The following HSPA4L variants were observed in gnomAD, a reference collection of about 807,000 sequenced individuals.
HSPA4L encodes the protein heat shock protein family A (Hsp70) member 4 like, also known as heat shock 70 kDa protein 4L.
Under a neutral mutation model 100.3 loss-of-function variants are expected in HSPA4L, and 48 were observed. The ratio of observed to expected loss-of-function variants is 0.48; its 90% CI spans 0.38 to 0.61. The LOEUF (loss-of-function observed/expected upper bound fraction) is 0.61. Among genes scored for constraint, HSPA4L ranks in the 20% least tolerant of loss-of-function variants. The pLI is 0.00. For synonymous variants in HSPA4L, 319 were observed against 328.2 expected, an observed-to-expected ratio of 0.97 and a Z score of 0.30; for missense variants, 886 against 988.6, an observed-to-expected ratio of 0.90 and a Z score of 1.39.
intron 4 of HSPA4L, among the ~76,000 whole-genome samples, chr4:127,799,802 T>C (rs1733125361): frequency 6.6e-6 from 1 of 152,206 alleles, no homozygotes; most frequent in Admixed American, 6.5e-5. Flanking sequence ...GTTTGTGCAC[T>C]GTTTTCCTGG....
chr4:127,793,632 C>T (rs542274239), intron 1 of HSPA4L, among the ~76,000 whole-genome samples: 63 of 152,314 alleles, frequency 4.1e-4, no homozygotes, highest in South Asian at 1.7e-3. Context: ...TCTTAATTCT[C>T]ACATAACCAT....
intron 18 of HSPA4L, 80 bp downstream of exon 18, chr4:127,830,879 C>A: frequency 2.3e-6 from 2 of 871,702 alleles, no homozygotes; most frequent in Non-Finnish European, 3.3e-6. Flanking sequence ...GGCAAATAAT[C>A]AACTTGCAGA....
chr4:127,793,778 A>G (rs969771652), intron 1 of HSPA4L, among the ~76,000 whole-genome samples: 1 of 152,176 alleles, frequency 6.6e-6, no homozygotes, highest in Non-Finnish European at 1.5e-5. Flanking sequence ...CCATTGGTCA[A>G]CACGGTTGAG....
At chr4:127,809,417 T>A in intron 11 of HSPA4L, 1 of 1,254,528 alleles carries the variant, frequency 8.0e-7, no homozygotes, top group Non-Finnish European at 1.2e-6. Context: ...ACTTCATAAC[T>A]CAAGACTCTG....
At chr4:127,817,348 C>CA (rs58555235) in intron 12 of HSPA4L, among the ~76,000 whole-genome samples, 5,320 of 143,720 alleles carry the variant, frequency 0.037, 337 homozygotes, top group African/African-American at 0.13. Context: ...CTTTTAACTA[C>CA]AAAAAAAAAA....
chr4:127,833,644 T>C lies in HSPA4L; in HGVS notation c.*770T>C, dbSNP rs1734141713. On this transcript the variant is annotated 3_prime_UTR_variant, in exon 19 of 19. Transcript: ENST00000296464. ...GGAGTCTCTGACAAAATGACTTTCA[T>C]GTTAAGGGGAAATGCTGTTTATCTA... is the stretch of plus-strand genomic sequence containing the variant. The C allele has an allele frequency of 6.6e-6, 1 of 152,214 alleles. No homozygotes were observed. The highest frequency in any genetic ancestry group is 1.5e-5 in the Non-Finnish European group (1 of 68,018). The allele number at this position is 152,214 out of a possible 1,614,324, so 9.4% of individuals were successfully genotyped here. A position where few individuals can be genotyped will look rare whatever the true frequency, so the allele number is the denominator to read the frequency against.
chr4:127,823,663 AC>A, intron 16 of HSPA4L, 39 bp downstream of exon 16: 1 of 1,317,842 alleles, frequency 7.6e-7, no homozygotes, highest in Non-Finnish European at 1.1e-6. Flanking sequence ...TAAACCAGTA[AC>A]TTTTTCTAAA....
At chr4:127,832,094 T>C (rs1480577787) in intron 18 of HSPA4L, among the ~76,000 whole-genome samples, 1 of 152,188 alleles carries the variant, frequency 6.6e-6, no homozygotes, top group East Asian at 1.9e-4. Context: ...TTTTTAAATT[T>C]GAGTAGTGTT....
intron 15 of HSPA4L, 120 bp downstream of exon 15, chr4:127,823,014 T>C (rs1298776815): frequency 2.3e-6 from 2 of 854,760 alleles, no homozygotes; most frequent in African/African-American, 3.5e-5. Flanking sequence ...CTTGGGCCCA[T>C]ATGGGGAAGG....
intron 1 of HSPA4L, among the ~76,000 whole-genome samples, chr4:127,789,634 C>T (rs1022586684): frequency 1.4e-5 from 2 of 144,608 alleles, no homozygotes; most frequent in Admixed American, 7.2e-5. Flanking sequence ...GGCGACAGAG[C>T]GAGATTCTGT....
At chr4:127,805,664 T>G (rs1733333100) in intron 9 of HSPA4L, 23 bp from the exon 10 acceptor site, 1 of 1,538,582 alleles carries the variant, frequency 6.5e-7, no homozygotes, top group African/African-American at 1.4e-5. Context: ...TTGATTTAAA[T>G]ATGGTATACA....
At position 127,812,665 on chromosome 4, in the gene HSPA4L, TTTG is replaced by T. The variant is rs977621472; in HGVS notation, c.1578+1032_1578+1034del. ...TTTTGTTTGTTTGTTTTTGTTTTGT[TTTG>T]TTTTGTTTTTGTAGCCCAGAGGTCC... On this transcript the variant is annotated intron_variant, in intron 12 of 18. Transcript: ENST00000296464. 8.1e-5 allele frequency: 57 copies of T among 700,384 alleles called. No homozygotes were observed. In the African/African-American group the frequency reaches 9.4e-4, roughly 12 times the overall value. 43.4% of individuals were successfully genotyped at this position (700,384 alleles called of 1,614,324 possible).
intron 10 of HSPA4L, among the ~76,000 whole-genome samples, chr4:127,807,440 A>T (rs983823585): frequency 1.3e-5 from 2 of 152,082 alleles, no homozygotes; most frequent in African/African-American, 4.8e-5. Flanking sequence ...GGGGTAAAGC[A>T]CCATAATGTA....
chr4:127,811,600 A>T lies in HSPA4L; in HGVS notation c.1542A>T (p.Thr514=). ...ATCACAGTGATGCTCCAATGGAGAC[A>T]GAAACTTCATTTAAAAATGAAAACA... ...EGDHSDAPME[T]ETSFKNENKD... is the part of the protein sequence containing the mutation. The change falls in exon 12 of 19, where the codon ACA becomes ACT. Residue 514 remains threonine, a synonymous_variant. Coordinates refer to ENST00000296464, the MANE Select transcript of HSPA4L (RefSeq NM_014278.4). The T allele has an allele frequency of 1.2e-6, 2 of 1,613,838 alleles. No individual in the cohort carries two copies. Among genetic ancestry groups the T allele is most frequent in the Non-Finnish European group, 1.7e-6 (2 of 1,179,902 alleles).
At chr4:127,786,837 A>C (rs1732731607) in intron 1 of HSPA4L, among the ~76,000 whole-genome samples, 1 of 152,260 alleles carries the variant, frequency 6.6e-6, no homozygotes, top group Admixed American at 6.5e-5. Flanking sequence ...TAAAAAATAC[A>C]TACAAAACAT....
At chr4:127,830,137 T>C (rs1352408784) in intron 17 of HSPA4L, among the ~76,000 whole-genome samples, 2 of 152,180 alleles carry the variant, frequency 1.3e-5, no homozygotes, top group East Asian at 1.9e-4. Flanking sequence ...TATATGTTCA[T>C]TGCCATTTCT....
At chr4:127,800,848 G>A (rs932470703) in intron 4 of HSPA4L, among the ~76,000 whole-genome samples, 1 of 152,002 alleles carries the variant, frequency 6.6e-6, no homozygotes, top group African/African-American at 2.4e-5. Context: ...TATGAAAGAT[G>A]AGCAAATATA....
Position 127,832,854 on chromosome 4 carries a change from G to A in HSPA4L, c.2500G>A (p.Gly834Arg), listed in dbSNP as rs371892052. ...KDSSQHTKSS[G>R]EMEVD Reference sequence around the variant, plus strand: ...CAGCTCACAGCATACTAAATCCTCTGGAGAGATGGAAGTGGACTAAGTCTT... The same window carrying A: ...CAGCTCACAGCATACTAAATCCTCTAGAGAGATGGAAGTGGACTAAGTCTT... The change falls in exon 19 of 19, where the codon GGA becomes AGA. Residue 834 changes from glycine to arginine, a missense_variant. Transcript: ENST00000296464. The A allele has an allele frequency of 1.5e-5, 24 of 1,604,608 alleles. No homozygotes were observed. The highest frequency in any genetic ancestry group is 1.9e-5 in the Non-Finnish European group (22 of 1,176,082).
chr4:127,830,878 T>C, intron 18 of HSPA4L, 79 bp downstream of exon 18: 1 of 887,016 alleles, frequency 1.1e-6, no homozygotes, highest in Non-Finnish European at 1.6e-6. Context: ...TGGCAAATAA[T>C]CAACTTGCAG....
Sources: gnomAD v4.1 joint callset for allele counts (sites outside exome capture counted in the v4.1 genomes callset) on GRCh38, gnomAD v4.1.1 for gene constraint, MANE v1.5 for transcripts, NCBI Gene and HGNC (gene_info 2026-07-23, HGNC 2026-07-21) for gene names.